Variants in DLG2 observed in about 807,000 individuals in gnomAD.
The protein encoded by DLG2 is discs large MAGUK scaffold protein 2.
Under a neutral mutation model 132.5 loss-of-function variants are expected in DLG2, and 45 were observed. That is an observed-to-expected ratio of 0.34 (90% confidence interval 0.27 to 0.44). The LOEUF (loss-of-function observed/expected upper bound fraction) is 0.44, where lower values mean the gene tolerates loss of function less well. Among genes scored for constraint, DLG2 ranks in the 20% least tolerant of loss-of-function variants. DLG2 has a pLI of 1.00. For synonymous variants in DLG2, 424 were observed against 419.6 expected (o/e 1.01, Z -0.13); for missense variants, 1,045 against 1,196.9 (o/e 0.87, Z 1.87).
intron 5 of DLG2, among the ~76,000 whole-genome samples, chr11:85,133,400 A>G (rs544285362): frequency 2.0e-5 from 3 of 152,320 alleles, no homozygotes; most frequent in African/African-American, 7.2e-5. Flanking sequence ...CTCGAAAGAT[A>G]TGACTGAAAA....
At chr11:83,904,095 C>T (rs1457079885) in intron 15 of DLG2, among the ~76,000 whole-genome samples, 2 of 152,082 alleles carry the variant, frequency 1.3e-5, no homozygotes, top group African/African-American at 4.8e-5. Context: ...CACTGCAATA[C>T]TGCAACAGTT....
intron 10 of DLG2, among the ~76,000 whole-genome samples, chr11:84,085,094 T>C (rs189088321): frequency 6.6e-5 from 10 of 152,358 alleles, no homozygotes; most frequent in Admixed American, 6.5e-4. Context: ...ATTTAATTGT[T>C]AAGCTAATTT....
chr11:85,338,602 T>C (rs1370872602), intron 3 of DLG2, among the ~76,000 whole-genome samples: 1 of 152,116 alleles, frequency 6.6e-6, no homozygotes, highest in African/African-American at 2.4e-5. Flanking sequence ...CCAGATTATT[T>C]GAAAAGATAT....
At chr11:84,034,203 A>T (rs1487436634) in intron 11 of DLG2, among the ~76,000 whole-genome samples, 1 of 152,176 alleles carries the variant, frequency 6.6e-6, no homozygotes, top group Non-Finnish European at 1.5e-5. Context: ...GCAGCCATCA[A>T]CACTGAGGCA....
chr11:84,970,168 T>TA (rs1185551568), intron 6 of DLG2, among the ~76,000 whole-genome samples: 1 of 151,258 alleles, frequency 6.6e-6, no homozygotes, highest in Admixed American at 6.6e-5. Flanking sequence ...CAGTATAATT[T>TA]AAAAAAAAGG....
chr11:84,722,624 A>G (rs1189557785), intron 6 of DLG2, among the ~76,000 whole-genome samples: 2 of 152,212 alleles, frequency 1.3e-5, no homozygotes, highest in Non-Finnish European at 2.9e-5. Context: ...TAGAATGTCA[A>G]TAAATCTACA....
At chr11:84,668,532 T>C (rs1489453611) in intron 6 of DLG2, among the ~76,000 whole-genome samples, 1 of 152,150 alleles carries the variant, frequency 6.6e-6, no homozygotes, top group African/African-American at 2.4e-5. Context: ...GTTTAAGTAC[T>C]CATTATGGGT....
At chr11:85,052,945 A>T (rs994093680) in intron 6 of DLG2, among the ~76,000 whole-genome samples, 6 of 152,248 alleles carry the variant, frequency 3.9e-5, no homozygotes, top group African/African-American at 9.6e-5. Flanking sequence ...TTCTTAAATC[A>T]ATTTATTTAC....
At chr11:83,797,626 C>T (rs1270015611) in intron 17 of DLG2, among the ~76,000 whole-genome samples, 1 of 152,088 alleles carries the variant, frequency 6.6e-6, no homozygotes, top group East Asian at 1.9e-4. Flanking sequence ...TCATGCCATT[C>T]TCCTGCCTCA....
intron 2 of DLG2, among the ~76,000 whole-genome samples, chr11:85,622,387 T>C (rs903794676): frequency 6.6e-6 from 1 of 152,030 alleles, no homozygotes; most frequent in Non-Finnish European, 1.5e-5. Context: ...ACCCGCAATA[T>C]CTCTGAGATA....
chr11:85,085,846 T>C (rs2067854203), intron 6 of DLG2, among the ~76,000 whole-genome samples: 2 of 152,136 alleles, frequency 1.3e-5, no homozygotes, highest in Admixed American at 1.3e-4. Flanking sequence ...AAAAGTGCTT[T>C]TTATATAACA....
intron 6 of DLG2, among the ~76,000 whole-genome samples, chr11:85,005,808 A>G (rs1306507998): frequency 6.6e-6 from 1 of 152,068 alleles, no homozygotes; most frequent in Non-Finnish European, 1.5e-5. Context: ...CTTGTGCCGG[A>G]TTTCAAAGGA....
chr11:85,601,211 T>C (rs2080132091), intron 2 of DLG2, among the ~76,000 whole-genome samples: 1 of 152,206 alleles, frequency 6.6e-6, no homozygotes, highest in Non-Finnish European at 1.5e-5. Context: ...TCTCCCTACA[T>C]TGCCCAAGTT....
At chr11:85,140,602 GT>G (rs1372053220) in intron 5 of DLG2, among the ~76,000 whole-genome samples, 4 of 150,148 alleles carry the variant, frequency 2.7e-5, no homozygotes, top group Non-Finnish European at 4.4e-5. Flanking sequence ...TCCAGTCTTA[GT>G]TTTTTGATAT....
intron 16 of DLG2, among the ~76,000 whole-genome samples, chr11:83,863,912 C>T (rs186138830): frequency 1.3e-3 from 200 of 152,242 alleles, no homozygotes; most frequent in Non-Finnish European, 2.6e-3. Context: ...AGAAGGGATG[C>T]TCACACATTT....
intron 6 of DLG2, among the ~76,000 whole-genome samples, chr11:84,697,632 A>G (rs2058751983): frequency 6.6e-6 from 1 of 151,494 alleles, no homozygotes; most frequent in Admixed American, 6.6e-5. Context: ...CTTAATTATC[A>G]CAACAACTCC....
At chr11:85,586,352 G>A (rs893804794) in intron 3 of DLG2, among the ~76,000 whole-genome samples, 1 of 150,988 alleles carries the variant, frequency 6.6e-6, no homozygotes, top group Admixed American at 6.6e-5. Context: ...TTTTTTTGTT[G>A]GTAACTTTTT....
At chr11:84,869,364 C>A (rs1290061986) in intron 6 of DLG2, among the ~76,000 whole-genome samples, 2 of 152,110 alleles carry the variant, frequency 1.3e-5, no homozygotes, top group African/African-American at 2.4e-5. Flanking sequence ...AATGGCTGAG[C>A]CTTTTACTGC....
intron 3 of DLG2, among the ~76,000 whole-genome samples, chr11:85,374,629 A>G (rs1279314521): frequency 1.3e-5 from 2 of 152,152 alleles, no homozygotes; most frequent in Admixed American, 6.6e-5. Context: ...AATTACAGGC[A>G]TGAGCCACTG....
Sources: allele counts gnomAD v4.1 joint callset (sites outside exome capture counted in the v4.1 genomes callset), GRCh38; gene constraint gnomAD v4.1.1; transcripts MANE v1.5; gene names NCBI Gene and HGNC (gene_info 2026-07-23, HGNC 2026-07-21).